The following KLHL12 variants were observed in gnomAD, a reference collection of about 807,000 sequenced individuals.
The protein encoded by KLHL12 is kelch like family member 12.
Under a neutral mutation model 60.8 loss-of-function variants are expected in KLHL12, and 17 were observed. That is an observed-to-expected ratio of 0.28 (90% CI 0.19 to 0.42). The LOEUF (loss-of-function observed/expected upper bound fraction) is 0.42. Ranked by LOEUF, KLHL12 falls within the 10% of genes least tolerant of loss-of-function variation. The pLI is 1.00. For synonymous variants in KLHL12, 220 were observed against 250.9 expected (o/e 0.88, Z 1.16); for missense variants, 468 against 722.3 (o/e 0.65, Z 4.04).
intron 6 of KLHL12, among the ~76,000 whole-genome samples, chr1:202,904,384 T>G (rs1457118711): frequency 6.6e-6 from 1 of 152,198 alleles, no homozygotes; most frequent in Non-Finnish European, 1.5e-5. Flanking sequence ...TTTTATTTAT[T>G]CAAATATGTT....
rs1304221369 is a variant in KLHL12 at position 202,892,583 on chromosome 1, TG to T, written c.1656del (p.Met553TrpfsTer26). 24 of 1,614,106 alleles carry T rather than the reference TG, an allele frequency of 1.5e-5. No homozygotes were observed. Among genetic ancestry groups the T allele is most frequent in the Non-Finnish European group, 2.0e-5 (24 of 1,180,016 alleles). On this transcript the variant is annotated frameshift_variant, in exon 12 of 12. Transcript: ENST00000367261. LOFTEE classifies it high-confidence loss of function. ...CCAGCATCACAGCGCTGGGTTCCCA[TG>T]GATGTCACGACTTCCCAGCTGTCGA... ...PIIDSWEVVT[S>X]MGTQRCDAGV...
In KLHL12 at chr1:202,924,169, G is replaced by C. The variant is rs531404224; in HGVS notation, c.195+799C>G. ...AAGTATTTTGTCAGGCAATTACTAA[G>C]TAGTGTTTCTTAATACTTTGTGAGC... On this transcript the variant is annotated intron_variant, in intron 2 of 11. Transcript: ENST00000367261. Among the ~76,000 whole-genome samples, 30 of 152,294 alleles carry C rather than the reference G, an allele frequency of 2.0e-4. No individual in the cohort carries two copies. In the East Asian group the frequency reaches 5.4e-3, roughly 27 times the overall value.
chr1:202,906,478 AAG>A (rs1473510183), intron 6 of KLHL12, among the ~76,000 whole-genome samples: 5 of 149,822 alleles, frequency 3.3e-5, no homozygotes, highest in African/African-American at 9.8e-5. Flanking sequence ...AAAAAAAAAA[AAG>A]TTCCTACCCT....
At chr1:202,927,619 G>T (rs1409218991), upstream of KLHL12, among the ~76,000 whole-genome samples, 3 of 142,960 alleles carry the variant, frequency 2.1e-5, no homozygotes, top group Non-Finnish European at 4.5e-5. Flanking sequence ...AGCAGAGGTT[G>T]CAGTGAGCCA....
chr1:202,910,129 T>C (rs1660311299), intron 5 of KLHL12, among the ~76,000 whole-genome samples: 1 of 152,222 alleles, frequency 6.6e-6, no homozygotes, highest in Non-Finnish European at 1.5e-5. Flanking sequence ...AGTTTTCACA[T>C]AGTAACTTAC....
intron 2 of KLHL12, 130 bp from the exon 3 acceptor site, chr1:202,920,038 G>A: frequency 1.2e-6 from 1 of 842,840 alleles, no homozygotes. Flanking sequence ...TACAGGCCAG[G>A]CGTGGTGGCT....
intron 4 of KLHL12, 84 bp downstream of exon 4, chr1:202,918,087 C>G: frequency 1.0e-6 from 1 of 969,342 alleles, no homozygotes; most frequent in Non-Finnish European, 1.6e-6. Flanking sequence ...TTATGAAGCC[C>G]TGATGGTAAG....
intron 6 of KLHL12, among the ~76,000 whole-genome samples, chr1:202,905,062 G>T (rs955400275): frequency 2.0e-5 from 3 of 152,146 alleles, no homozygotes; most frequent in African/African-American, 7.2e-5. Context: ...CAATCTACCT[G>T]CTAAGGCACT....
chr1:202,926,113 A>G (rs187374297), intron 1 of KLHL12, among the ~76,000 whole-genome samples: 1 of 151,772 alleles, frequency 6.6e-6, no homozygotes. Context: ...TCAAAAAAAA[A>G]AAAAAAAAAA....
In KLHL12 at chr1:202,897,011, G is replaced by A. The variant is rs114132831; in HGVS notation, c.833-51C>T. The A allele has an allele frequency of 4.2e-4, 566 of 1,335,196 alleles. No homozygotes were observed. The African/African-American group carries it at 7.0e-3, about 16-fold the overall frequency. The allele number at this position is 1,335,196 out of a possible 1,614,324, so 82.7% of individuals were successfully genotyped here. A position where few individuals can be genotyped will look rare whatever the true frequency, so the allele number is the denominator to read the frequency against. The stretch of plus-strand genomic sequence containing the variant: ...GGGTTAGTTCAGCATCCCTGGATGG[G>A]TAACTAGTCACAGGGAAGTGTCAAC... On this transcript the variant is annotated intron_variant, in intron 6 of 11. Transcript: ENST00000367261.
chr1:202,912,345 A>G, intron 4 of KLHL12: 1 of 791,724 alleles, frequency 1.3e-6, no homozygotes, highest in Non-Finnish European at 2.2e-6. Context: ...CTGTGAAGTT[A>G]GGAAAGCCCT....
chr1:202,910,560 T>C (rs779795387), intron 5 of KLHL12, among the ~76,000 whole-genome samples: 3 of 152,154 alleles, frequency 2.0e-5, no homozygotes, highest in Non-Finnish European at 4.4e-5. Flanking sequence ...GTGGTATATA[T>C]GGTAAAAATT....
intron 6 of KLHL12, among the ~76,000 whole-genome samples, chr1:202,907,466 G>A (rs569216953): frequency 2.0e-5 from 3 of 152,034 alleles, no homozygotes; most frequent in Non-Finnish European, 4.4e-5. Context: ...GCCAGGGATG[G>A]TGGCAGTCGC....
At position 202,892,336 on chromosome 1, in the gene KLHL12, CTG is replaced by C; in HGVS notation, c.*195_*196del. ...ATGTGCATTCTTTTTCCTGGAATAT[CTG>C]TTACCCACCCTTCTCAGGAACAAGA... On this transcript the variant is annotated 3_prime_UTR_variant, in exon 12 of 12. Transcript: ENST00000367261. The C allele has an allele frequency of 8.8e-6, 1 of 113,250 alleles. No individual in the cohort carries two copies. The highest frequency in any genetic ancestry group is 2.1e-5 in the Non-Finnish European group (1 of 47,716). 7.0% of individuals were successfully genotyped at this position (113,250 alleles called of 1,614,324 possible).
At chr1:202,912,742 A>C in intron 4 of KLHL12, 1 of 1,391,280 alleles carries the variant, frequency 7.2e-7, no homozygotes, top group African/African-American at 1.4e-5. Flanking sequence ...TTAGGAAACA[A>C]AGCTTAGCTG....
At chr1:202,921,053 C>G (rs1660682108) in intron 2 of KLHL12, among the ~76,000 whole-genome samples, 1 of 152,128 alleles carries the variant, frequency 6.6e-6, no homozygotes, top group Non-Finnish European at 1.5e-5. Context: ...CTCTGTTCCC[C>G]AGGCTGGAGT....
In KLHL12 at chr1:202,903,629, C is replaced by CT. The variant is rs1220119536; in HGVS notation, c.832+5380dup. ...CTGGGACCACTAATTTTTTTCTTTT[C>CT]TTTTTTTTTTTGAAACGGCGTCTTG... On this transcript the variant is annotated intron_variant, in intron 6 of 11. Coordinates refer to ENST00000367261, the MANE Select transcript of KLHL12 (RefSeq NM_021633.4). 3.5e-4 allele frequency among the ~76,000 whole-genome samples: 27 copies of CT among 76,078 alleles called. 2 individuals carry two copies. The highest frequency in any genetic ancestry group is 1.2e-3 in the Admixed American group (6 of 4,828). The allele number at this position is 76,078 out of a possible 152,430, so 49.9% of individuals were successfully genotyped here. A position where few individuals can be genotyped will look rare whatever the true frequency, so the allele number is the denominator to read the frequency against.
In KLHL12 at chr1:202,927,173, G is replaced by T; in HGVS notation, c.-130C>A. On this transcript the variant is annotated 5_prime_UTR_variant, in exon 1 of 12. Transcript: ENST00000367261. Reference sequence around the variant, plus strand: ...GCGGCGCGGGGCTAGCAGGCGGCTCGGGAGGAGCCGAAGCGCCGCCCAGAC... The same window carrying T: ...GCGGCGCGGGGCTAGCAGGCGGCTCTGGAGGAGCCGAAGCGCCGCCCAGAC... The T allele has an allele frequency of 1.0e-6, 1 of 985,202 alleles. No homozygotes were observed. The highest frequency in any genetic ancestry group is 1.2e-6 in the Non-Finnish European group (1 of 829,864). 61.0% of individuals were successfully genotyped at this position (985,202 alleles called of 1,614,324 possible). A position where few individuals can be genotyped will look rare whatever the true frequency, so the allele number is the denominator to read the frequency against.
At chr1:202,927,596 A>G (rs1250038154), upstream of KLHL12, among the ~76,000 whole-genome samples, 2 of 143,204 alleles carry the variant, frequency 1.4e-5, no homozygotes, top group Non-Finnish European at 3.0e-5. Context: ...CAGGAGGATC[A>G]CTTGAGCCAG....
Sources: allele counts gnomAD v4.1 joint callset (sites outside exome capture counted in the v4.1 genomes callset), GRCh38; gene constraint gnomAD v4.1.1; transcripts MANE v1.5; gene names NCBI Gene and HGNC (gene_info 2026-07-23, HGNC 2026-07-21).